RHOBTB1: variants seen among roughly 807,000 people sequenced by gnomAD.
RHOBTB1 encodes Rho related BTB domain containing 1, also known as rho-related BTB domain-containing protein 1.
A neutral mutation model predicts 71.6 loss-of-function variants in RHOBTB1; 40 were observed. That is an observed-to-expected ratio of 0.56 (90% CI 0.43 to 0.73). RHOBTB1 has a LOEUF of 0.73. Among genes scored for constraint, RHOBTB1 ranks in the 30% least tolerant of loss-of-function variants. The pLI, the probability that RHOBTB1 is intolerant of heterozygous loss-of-function variation, is 0.00. For missense variants in RHOBTB1, 797 were observed against 894.0 expected (o/e 0.89, Z 1.38); for synonymous variants, 319 against 334.9 (o/e 0.95, Z 0.52).
chr10:60,883,518 T>A (rs1043575480), intron 7 of RHOBTB1, among the ~76,000 whole-genome samples: 1 of 152,202 alleles, frequency 6.6e-6, no homozygotes, highest in South Asian at 2.1e-4. Flanking sequence ...ACTCTGTGAA[T>A]AGCAGGTCCT....
chr10:60,991,849 T>C (rs2086882823), intron 1 of RHOBTB1, among the ~76,000 whole-genome samples: 1 of 152,198 alleles, frequency 6.6e-6, no homozygotes, highest in Non-Finnish European at 1.5e-5. Context: ...GATCTCATTT[T>C]ACAGAACCTT....
At chr10:60,984,184 G>T (rs2086590797) in intron 2 of RHOBTB1, among the ~76,000 whole-genome samples, 1 of 152,000 alleles carries the variant, frequency 6.6e-6, no homozygotes, top group East Asian at 1.9e-4. Flanking sequence ...AATTCTAAAG[G>T]CATATTAGAA....
At chr10:60,893,116 AAG>A (rs113943885) in intron 4 of RHOBTB1, 121 bp from the exon 5 acceptor site, 1 of 733,184 alleles carries the variant, frequency 1.4e-6, no homozygotes, top group Non-Finnish European at 2.2e-6. Context: ...AAAAAAAAAA[AAG>A]ACCAGATATT....
intron 4 of RHOBTB1, among the ~76,000 whole-genome samples, chr10:60,904,160 T>C (rs578059215): frequency 6.6e-6 from 1 of 152,270 alleles, no homozygotes; most frequent in South Asian, 2.1e-4. Flanking sequence ...TTGGCCAGGC[T>C]GATCTCAAAC....
chr10:60,912,247 A>G (rs570972199), intron 2 of RHOBTB1, among the ~76,000 whole-genome samples: 5 of 151,960 alleles, frequency 3.3e-5, no homozygotes, highest in Admixed American at 3.3e-4. Context: ...ATATATATGT[A>G]TATGGAATCT....
At chr10:60,900,031 T>A (rs530448479) in intron 4 of RHOBTB1, among the ~76,000 whole-genome samples, 41 of 152,084 alleles carry the variant, frequency 2.7e-4, no homozygotes, top group African/African-American at 9.4e-4. Flanking sequence ...AGGCCCGAGG[T>A]AGGAGCCTGC....
Position 60,869,710 on chromosome 10 carries a change from G to A in RHOBTB1, c.*1772C>T, listed in dbSNP as rs1303126736. 6.6e-6 allele frequency: 1 copy of A among 152,562 alleles called. No homozygotes were observed. The highest frequency in any genetic ancestry group is 1.5e-5 in the Non-Finnish European group (1 of 68,026). 9.5% of individuals were successfully genotyped at this position (152,562 alleles called of 1,614,324 possible). On this transcript the variant is annotated 3_prime_UTR_variant, in exon 11 of 11. Transcript: ENST00000337910. Reference sequence around the variant, plus strand: ...CTCATCTTCTACCATTTTATGGTGGGATACATGTCAATTCTTCCACATCTT... The same window carrying A: ...CTCATCTTCTACCATTTTATGGTGGAATACATGTCAATTCTTCCACATCTT...
intron 1 of RHOBTB1, among the ~76,000 whole-genome samples, chr10:60,990,215 C>T (rs867204769): frequency 6.6e-6 from 1 of 152,022 alleles, no homozygotes; most frequent in Admixed American, 6.6e-5. Flanking sequence ...GATCTCCTGA[C>T]CTCGTGATCT....
chr10:60,901,638 T>C (rs985819129), intron 4 of RHOBTB1, among the ~76,000 whole-genome samples: 2 of 152,252 alleles, frequency 1.3e-5, no homozygotes, highest in African/African-American at 2.4e-5. Flanking sequence ...GGCTGGAATA[T>C]ATTTCTTCAT....
At chr10:60,935,460 T>C (rs1669056570) in intron 2 of RHOBTB1, among the ~76,000 whole-genome samples, 1 of 152,136 alleles carries the variant, frequency 6.6e-6, no homozygotes, top group African/African-American at 2.4e-5. Flanking sequence ...TTTTTTTAAA[T>C]ATAAGATATA....
Position 60,888,576 on chromosome 10 carries a change from T to G in RHOBTB1, c.1092A>C (p.Ala364=). ...VEALGLEAEG[A]VPETQTLTGW... is the part of the protein sequence containing the mutation. ...CGGTCAAAGTCTGTGTCTCAGGAACTGCACCCTCGGCTTCCAGCCCCAGAG... is the reference window on the plus strand; with the variant it reads ...CGGTCAAAGTCTGTGTCTCAGGAACGGCACCCTCGGCTTCCAGCCCCAGAG... The change falls in exon 6 of 11, where the codon GCA becomes GCC. Residue 364 remains alanine (A), a synonymous_variant. Transcript: ENST00000337910. The G allele has an allele frequency of 6.2e-7, 1 of 1,614,182 alleles. No homozygotes were observed. The highest frequency in any genetic ancestry group is 8.5e-7 in the Non-Finnish European group (1 of 1,180,030).
At chr10:60,929,695 C>T (rs1022516343) in intron 2 of RHOBTB1, among the ~76,000 whole-genome samples, 5 of 151,970 alleles carry the variant, frequency 3.3e-5, no homozygotes, top group Admixed American at 2.0e-4. Context: ...TAACATGAAC[C>T]TTCATAGACC....
intron 2 of RHOBTB1, among the ~76,000 whole-genome samples, chr10:60,934,308 A>G (rs1053029110): frequency 1.3e-5 from 2 of 152,190 alleles, no homozygotes; most frequent in Non-Finnish European, 2.9e-5. Flanking sequence ...CCCACTCATC[A>G]ATATATCATC....
intron 1 of RHOBTB1, among the ~76,000 whole-genome samples, chr10:60,987,095 G>A (rs769178200): frequency 5.3e-5 from 8 of 152,150 alleles, no homozygotes; most frequent in Non-Finnish European, 1.2e-4. Flanking sequence ...CACAGGGAAA[G>A]GAAGAGAAAG....
intron 2 of RHOBTB1, among the ~76,000 whole-genome samples, chr10:60,951,113 T>C (rs538704917): frequency 6.6e-6 from 1 of 152,360 alleles, no homozygotes; most frequent in African/African-American, 2.4e-5. Context: ...ATCTGTAATA[T>C]ACATGTCATT....
intron 2 of RHOBTB1, among the ~76,000 whole-genome samples, chr10:60,934,943 G>A (rs1020611921): frequency 5.3e-5 from 8 of 152,216 alleles, no homozygotes; most frequent in Admixed American, 3.9e-4. Flanking sequence ...ATGAGACATA[G>A]AGAGGAGGGG....
chr10:60,988,033 G>A (rs55738621), intron 1 of RHOBTB1, among the ~76,000 whole-genome samples: 3 of 139,204 alleles, frequency 2.2e-5, no homozygotes, highest in Non-Finnish European at 4.5e-5. Flanking sequence ...TCCTGGGTAC[G>A]CCATTCTCCT....
Position 60,910,583 on chromosome 10 carries a change from C to A in RHOBTB1, c.296+304G>T, listed in dbSNP as rs1434977950. On this transcript the variant is annotated intron_variant, in intron 4 of 10. Transcript: ENST00000337910. ...AACAGAAGGCAAGTGAAGTGTTACT[C>A]AGAGAACCAGCAATCAAAGCAGCCC... Among the ~76,000 whole-genome samples, 6 of 152,288 alleles carry A rather than the reference C, an allele frequency of 3.9e-5. No homozygotes were observed. In the East Asian group the frequency reaches 1.2e-3, roughly 29 times the overall value.
At chr10:60,953,183 T>G (rs557297727) in intron 2 of RHOBTB1, among the ~76,000 whole-genome samples, 33 of 152,328 alleles carry the variant, frequency 2.2e-4, no homozygotes, top group African/African-American at 7.9e-4. Flanking sequence ...TGGGTAAGGT[T>G]AGCCTCCTCG....
Sources: gnomAD v4.1 joint callset for allele counts (sites outside exome capture counted in the v4.1 genomes callset) on GRCh38, gnomAD v4.1.1 for gene constraint, MANE v1.5 for transcripts, NCBI Gene and HGNC (gene_info 2026-07-23, HGNC 2026-07-21) for gene names.